The following AMPH variants were observed in gnomAD, a reference collection of about 807,000 sequenced individuals.
The protein encoded by AMPH is amphiphysin (Stiff-Mann syndrome with breast cancer 128kD autoantigen).
A neutral mutation model predicts 99.1 loss-of-function variants in AMPH; 49 were observed. The ratio of observed to expected loss-of-function variants is 0.49; its 90% CI spans 0.39 to 0.63. The LOEUF is 0.63. Among genes scored for constraint, AMPH ranks in the 20% least tolerant of loss-of-function variants. The pLI is 0.00. For missense variants in AMPH, 759 were observed against 863.4 expected (o/e 0.88, Z 1.52); for synonymous variants, 314 against 317.3 (o/e 0.99, Z 0.11).
intron 1 of AMPH, among the ~76,000 whole-genome samples, chr7:38,551,829 T>C (rs1791193138): frequency 6.6e-6 from 1 of 152,124 alleles, no homozygotes; most frequent in African/African-American, 2.4e-5. Context: ...GTTAGAAAAT[T>C]GGAAAAGTAA....
chr7:38,569,463 C>T (rs1019184346), intron 1 of AMPH, among the ~76,000 whole-genome samples: 5 of 151,632 alleles, frequency 3.3e-5, no homozygotes, highest in Non-Finnish European at 7.4e-5. Context: ...CACCAACTCA[C>T]ATATGAAAAA....
chr7:38,496,854 G>C (rs1788952358), intron 3 of AMPH, among the ~76,000 whole-genome samples: 1 of 150,858 alleles, frequency 6.6e-6, no homozygotes, highest in African/African-American at 2.4e-5. Context: ...TGTGTAGATA[G>C]GTTTTTAACA....
intron 3 of AMPH, among the ~76,000 whole-genome samples, chr7:38,499,659 A>G (rs548187991): frequency 2.0e-5 from 3 of 152,316 alleles, no homozygotes; most frequent in South Asian, 2.1e-4. Flanking sequence ...TTGGGAAAAC[A>G]AGAAAAATTG....
intron 11 of AMPH, among the ~76,000 whole-genome samples, chr7:38,458,984 A>C (rs904107324): frequency 6.6e-6 from 1 of 151,810 alleles, no homozygotes; most frequent in Non-Finnish European, 1.5e-5. Flanking sequence ...GAATCCACCC[A>C]AAAAAAACCT....
chr7:38,570,831 G>A (rs1791917651), intron 1 of AMPH, among the ~76,000 whole-genome samples: 1 of 141,634 alleles, frequency 7.1e-6, no homozygotes, highest in African/African-American at 2.6e-5. Flanking sequence ...CTTCCAGTAG[G>A]ACAAGGCGTG....
intron 2 of AMPH, among the ~76,000 whole-genome samples, chr7:38,532,868 T>C (rs1026069395): frequency 2.0e-5 from 3 of 152,062 alleles, no homozygotes; most frequent in Non-Finnish European, 2.9e-5. Flanking sequence ...TAAAGTGCCA[T>C]AAAAGTGATA....
chr7:38,421,899 G>A (rs1785592196), intron 16 of AMPH, among the ~76,000 whole-genome samples: 3 of 152,148 alleles, frequency 2.0e-5, no homozygotes, highest in Non-Finnish European at 4.4e-5. Context: ...TCTAACGCCA[G>A]GAGTAACTAT....
chr7:38,469,566 T>G (rs1034395928), intron 7 of AMPH, among the ~76,000 whole-genome samples: 1 of 151,604 alleles, frequency 6.6e-6, no homozygotes, highest in East Asian at 1.9e-4. Flanking sequence ...TGAGGAAGAG[T>G]TTTTTCCTAG....
At chr7:38,405,043 C>T (rs192947944) in intron 17 of AMPH, among the ~76,000 whole-genome samples, 14 of 152,126 alleles carry the variant, frequency 9.2e-5, no homozygotes, top group Admixed American at 5.2e-4. Context: ...AGAAAAGATT[C>T]GGGGCCTATT....
chr7:38,584,281 T>A (rs1232566819), intron 1 of AMPH, among the ~76,000 whole-genome samples: 3 of 152,204 alleles, frequency 2.0e-5, no homozygotes, highest in Non-Finnish European at 4.4e-5. Context: ...CTATTCCAGA[T>A]GCATCTTATA....
At chr7:38,619,844 C>T (rs986866068) in intron 1 of AMPH, among the ~76,000 whole-genome samples, 41 of 152,240 alleles carry the variant, frequency 2.7e-4, no homozygotes, top group African/African-American at 9.9e-4. Context: ...AAACAGAACT[C>T]TGGATACCAT....
At chr7:38,603,946 C>G (rs1793343665) in intron 1 of AMPH, among the ~76,000 whole-genome samples, 1 of 152,154 alleles carries the variant, frequency 6.6e-6, no homozygotes, top group African/African-American at 2.4e-5. Context: ...ATTCAACAAA[C>G]GTGATGTCCT....
At chr7:38,530,474 A>C (rs1454929718) in intron 2 of AMPH, among the ~76,000 whole-genome samples, 6 of 152,224 alleles carry the variant, frequency 3.9e-5, no homozygotes, top group African/African-American at 1.4e-4. Flanking sequence ...TAGAAGGAGA[A>C]CCAAGGCTCT....
intron 11 of AMPH, among the ~76,000 whole-genome samples, chr7:38,443,971 T>C (rs972286552): frequency 6.6e-6 from 1 of 151,596 alleles, no homozygotes; most frequent in African/African-American, 2.4e-5. Context: ...CTATAGAAAC[T>C]AATAATTCAG....
chr7:38,571,829 A>G (rs1477997300), intron 1 of AMPH, among the ~76,000 whole-genome samples: 1 of 151,654 alleles, frequency 6.6e-6, no homozygotes, highest in African/African-American at 2.4e-5. Flanking sequence ...ACATTCACTC[A>G]CCACTCACTC....
Position 38,587,943 on chromosome 7 carries a change from T to C in AMPH, c.69+43340A>G, listed in dbSNP as rs975749472. Among the ~76,000 whole-genome samples the C allele has an allele frequency of 4.7e-4, 69 of 146,404 alleles. 1 individual carries two copies. The Middle Eastern group carries it at 0.029, about 61-fold the overall frequency. The stretch of plus-strand genomic sequence containing the variant: ...GTGTGTGTGTGTGTGTGTGTGTGTG[T>C]GTGTGTGCGCGTGTGTGTGTGAGAG... On this transcript the variant is annotated intron_variant, in intron 1 of 20. Coordinates refer to ENST00000356264, the MANE Select transcript of AMPH (RefSeq NM_001635.4).
chr7:38,393,906 A>G (rs1482885459), intron 18 of AMPH, 99 bp downstream of exon 18: 5 of 1,134,160 alleles, frequency 4.4e-6, no homozygotes, highest in Admixed American at 3.7e-5. Context: ...CTACAAACCT[A>G]TTATACATCC....
chr7:38,444,990 CATATATATAT>C (rs3056203), intron 11 of AMPH, among the ~76,000 whole-genome samples: 30,580 of 135,980 alleles, frequency 0.22, 3,972 homozygotes, highest in Middle Eastern at 0.27. Flanking sequence ...CATATATATA[CATATATATAT>C]ATATATATAT....
At chr7:38,478,156 G>T (rs756870396) in intron 5 of AMPH, among the ~76,000 whole-genome samples, 2 of 152,004 alleles carry the variant, frequency 1.3e-5, no homozygotes, top group Non-Finnish European at 2.9e-5. Context: ...AGCAATAGTG[G>T]CCTACCACTG....
Sources: gnomAD v4.1 joint callset for allele counts (sites outside exome capture counted in the v4.1 genomes callset) on GRCh38, gnomAD v4.1.1 for gene constraint, MANE v1.5 for transcripts, NCBI Gene and HGNC (gene_info 2026-07-23, HGNC 2026-07-21) for gene names.